The following HPD variants were observed in gnomAD, a reference collection of about 807,000 sequenced individuals.
HPD encodes the protein 4-hydroxyphenylpyruvate dioxygenase.
In HPD, 35 loss-of-function variants were observed where a neutral mutation model predicts 56.9. The ratio of observed to expected loss-of-function variants is 0.62; its 90% confidence interval spans 0.47 to 0.82. The LOEUF (loss-of-function observed/expected upper bound fraction) is 0.82. Among genes scored for constraint, HPD ranks in the 40% least tolerant of loss-of-function variants. HPD has a pLI of 0.00. For missense variants in HPD, 442 were observed against 506.8 expected, an observed-to-expected ratio of 0.87 and a Z score of 1.23; for synonymous variants, 186 against 200.2, an observed-to-expected ratio of 0.93 and a Z score of 0.60.
chr12:121,884,154 C>T, the HPD span, among the ~76,000 whole-genome samples: 3 of 147,092 alleles, frequency 2.0e-5, no homozygotes, highest in Non-Finnish European at 4.4e-5. Flanking sequence ...ATTTAGTCAT[C>T]GTTTCTCTTT....
chr12:121,858,439 C>T (rs1878083269), intron 2 of HPD, among the ~76,000 whole-genome samples: 1 of 152,128 alleles, frequency 6.6e-6, no homozygotes, highest in South Asian at 2.1e-4. Context: ...CTGCCTTGGC[C>T]TCCCAAAGCA....
chr12:121,843,110 C>T (rs1263495323), intron 12 of HPD, among the ~76,000 whole-genome samples: 2 of 152,118 alleles, frequency 1.3e-5, no homozygotes, highest in Non-Finnish European at 2.9e-5. Context: ...GAATTGTACA[C>T]CTTAAAAAAA....
intron 7 of HPD, among the ~76,000 whole-genome samples, chr12:121,853,562 C>T (rs1877882933): frequency 6.8e-6 from 1 of 147,870 alleles, no homozygotes; most frequent in South Asian, 2.1e-4. Flanking sequence ...GCAGCGCTTG[C>T]AGTGAGCCGA....
At chr12:121,860,521 G>C (rs769721663), upstream of HPD, among the ~76,000 whole-genome samples, 1 of 152,206 alleles carries the variant, frequency 6.6e-6, no homozygotes, top group Non-Finnish European at 1.5e-5. Context: ...TCTGGGCAGA[G>C]AGCAGGGAGG....
Position 121,839,675 on chromosome 12 carries a change from C to G in HPD, c.*53G>C. 1 of 1,331,192 alleles carries G rather than the reference C, an allele frequency of 7.5e-7. No individual in the cohort carries two copies. Among genetic ancestry groups the G allele is most frequent in the Non-Finnish European group, 1.1e-6 (1 of 923,236 alleles). 82.5% of individuals were successfully genotyped at this position (1,331,192 alleles called of 1,614,324 possible). Reference sequence around the variant, plus strand: ...GCCAGTAGGGAAGTTGGGCGAGTTCCAGAATCAGGGGGCGTGGCTGTGTGG... The same window carrying G: ...GCCAGTAGGGAAGTTGGGCGAGTTCGAGAATCAGGGGGCGTGGCTGTGTGG... On this transcript the variant is annotated 3_prime_UTR_variant, in exon 14 of 14. Coordinates refer to ENST00000289004, the MANE Select transcript of HPD (RefSeq NM_002150.3).
At chr12:121,849,602 A>G in intron 8 of HPD, 85 bp downstream of exon 8, 1 of 917,286 alleles carries the variant, frequency 1.1e-6, no homozygotes, top group South Asian at 1.3e-5. Flanking sequence ...CCCAACACAC[A>G]TGCGCAGTGG....
chr12:121,882,572 A>G, the HPD span, among the ~76,000 whole-genome samples: 2 of 152,170 alleles, frequency 1.3e-5, no homozygotes, highest in Admixed American at 1.3e-4. Flanking sequence ...TTGAAGATAA[A>G]CAAGCCTCAG....
chr12:121,862,009 T>TA (rs1266164699), upstream of HPD, among the ~76,000 whole-genome samples: 1 of 151,922 alleles, frequency 6.6e-6, no homozygotes. Context: ...GACCCTGTCT[T>TA]AAAAAAAGAG....
the HPD span, among the ~76,000 whole-genome samples, chr12:121,875,368 T>C: frequency 2.0e-5 from 3 of 152,132 alleles, no homozygotes; most frequent in Non-Finnish European, 4.4e-5. Flanking sequence ...AATTCTGTGG[T>C]GTAGATACTC....
At chr12:121,886,109 G>GTTT in the HPD span, among the ~76,000 whole-genome samples, 1 of 129,444 alleles carries the variant, frequency 7.7e-6, no homozygotes, top group East Asian at 2.4e-4. Context: ...ATTGCATTTA[G>GTTT]TTTTTTTTTT....
upstream of HPD, among the ~76,000 whole-genome samples, chr12:121,865,470 A>T (rs1170285617): frequency 1.3e-5 from 2 of 149,198 alleles, no homozygotes; most frequent in East Asian, 4.4e-4. Context: ...GGGTTTCGTC[A>T]TGTTGGCCAG....
At chr12:121,873,850 G>A in the HPD span, among the ~76,000 whole-genome samples, 4 of 152,116 alleles carry the variant, frequency 2.6e-5, no homozygotes, top group African/African-American at 7.2e-5. Flanking sequence ...CAGGCATGGC[G>A]GTTCACGCCT....
At chr12:121,861,513 A>ATAAG (rs55755069), upstream of HPD, among the ~76,000 whole-genome samples, 11,438 of 151,892 alleles carry the variant, frequency 0.075, 875 homozygotes, top group African/African-American at 0.19. Flanking sequence ...AAATAAAGAA[A>ATAAG]TAAGTAAGTA....
At chr12:121,863,167 A>C (rs1300566841), upstream of HPD, among the ~76,000 whole-genome samples, 1 of 151,596 alleles carries the variant, frequency 6.6e-6, no homozygotes, top group Non-Finnish European at 1.5e-5. Flanking sequence ...ATTTTTTATC[A>C]GAGACAGGGC....
chr12:121,866,368 GAT>G (rs1878329019), upstream of HPD, among the ~76,000 whole-genome samples: 1 of 127,224 alleles, frequency 7.9e-6, no homozygotes, highest in South Asian at 2.5e-4. Context: ...AAAGCTCTAA[GAT>G]ATGTTACGTT....
chr12:121,841,875 G>A (rs570406634), intron 12 of HPD, among the ~76,000 whole-genome samples: 1 of 152,172 alleles, frequency 6.6e-6, no homozygotes, highest in East Asian at 1.9e-4. Context: ...AGTAGAGACA[G>A]GGTTTCACCA....
chr12:121,860,179 A>G (rs1435038755), upstream of HPD, among the ~76,000 whole-genome samples: 1 of 152,002 alleles, frequency 6.6e-6, no homozygotes, highest in Non-Finnish European at 1.5e-5. Context: ...TAAATATCCA[A>G]CTGGGAAAAC....
At chr12:121,875,474 G>A in the HPD span, among the ~76,000 whole-genome samples, 5 of 139,742 alleles carry the variant, frequency 3.6e-5, no homozygotes, top group African/African-American at 1.1e-4. Context: ...CACCTAGACC[G>A]AAGTGCAGTG....
intron 6 of HPD, among the ~76,000 whole-genome samples, chr12:121,855,727 AC>A (rs201160652): frequency 3.3e-5 from 5 of 151,638 alleles, no homozygotes; most frequent in Non-Finnish European, 7.4e-5. Flanking sequence ...ACACACACAC[AC>A]AAAAGAAAGA....
Sources: gnomAD v4.1 joint callset for allele counts (sites outside exome capture counted in the v4.1 genomes callset) on GRCh38, gnomAD v4.1.1 for gene constraint, MANE v1.5 for transcripts, NCBI Gene and HGNC (gene_info 2026-07-23, HGNC 2026-07-21) for gene names.